Variants in PLA2G4E observed in about 807,000 individuals in gnomAD.
PLA2G4E encodes phospholipase A2 group IVE.
Under a neutral mutation model 109.1 loss-of-function variants are expected in PLA2G4E, and 84 were observed. The ratio of observed to expected loss-of-function variants is 0.77; its 90% confidence interval spans 0.65 to 0.92. The LOEUF (loss-of-function observed/expected upper bound fraction) is 0.92, where lower values mean the gene tolerates loss of function less well. Ranked by LOEUF, PLA2G4E falls within the 40% of genes least tolerant of loss-of-function variation. The probability of loss-of-function intolerance (pLI) is 0.00; values close to 1 mark genes in which losing one functional copy is unlikely to be tolerated. For synonymous variants in PLA2G4E, 469 were observed against 436.1 expected (o/e 1.08, Z -0.94); for missense variants, 1,057 against 1,076.6 (o/e 0.98, Z 0.25).
intron 1 of PLA2G4E, among the ~76,000 whole-genome samples, chr15:42,023,337 T>C (rs1376412393): frequency 6.6e-6 from 1 of 151,248 alleles, no homozygotes; most frequent in Non-Finnish European, 1.5e-5. Flanking sequence ...TCACCCTTCA[T>C]TCCATACTAG....
At chr15:41,994,472 C>A (rs2068305614) in intron 12 of PLA2G4E, among the ~76,000 whole-genome samples, 3 of 152,230 alleles carry the variant, frequency 2.0e-5, no homozygotes, top group Admixed American at 6.5e-5. Context: ...GATAGGCCAC[C>A]CTGAACCAGG....
chr15:42,014,385 A>G (rs1007834185), intron 1 of PLA2G4E, among the ~76,000 whole-genome samples: 28 of 152,198 alleles, frequency 1.8e-4, no homozygotes, highest in African/African-American at 6.8e-4. Context: ...AGCCCCATGC[A>G]CAGAATGAAC....
chr15:42,000,137 G>C (rs770488336), exon 8 of PLA2G4E: 2 of 1,593,834 alleles, frequency 1.3e-6, no homozygotes, highest in Admixed American at 1.7e-5. Context: ...GCACTTCCAC[G>C]TGCACCTGGG....
rs1052900378 is a variant in PLA2G4E, at chr15:42,005,164, G to A, written c.526-186C>T. ...TGTCCCCAAGTCTTTGACATCAGGAGCATCACTGACAGCCCAGGGGAGGTC... is the reference window on the plus strand; with the variant it reads ...TGTCCCCAAGTCTTTGACATCAGGAACATCACTGACAGCCCAGGGGAGGTC... On this transcript the variant is annotated intron_variant, in intron 4 of 19. Coordinates refer to ENST00000399518, the Ensembl canonical transcript of PLA2G4E. Among the ~76,000 whole-genome samples the A allele has an allele frequency of 3.9e-5, 6 of 152,202 alleles. No individual in the cohort carries two copies. In the East Asian group the frequency reaches 7.7e-4, roughly 20 times the overall value.
rs150356427 is a variant in PLA2G4E at position 41,990,465 on chromosome 15, C to T, written c.1471-230G>A. ...ACCAGACAGGGGCCGGGACTGGATC[C>T]GCAGTTTAGGACAGTCTCTCAGAGT... is the stretch of plus-strand genomic sequence containing the variant. On this transcript the variant is annotated intron_variant, in intron 13 of 19. Transcript: ENST00000399518. Among the ~76,000 whole-genome samples, 425 of 152,238 alleles carry T rather than the reference C, an allele frequency of 2.8e-3. 1 individual carries two copies. The highest frequency in any genetic ancestry group is 0.018 in the East Asian group (92 of 5,188).
intron 1 of PLA2G4E, among the ~76,000 whole-genome samples, chr15:42,032,206 G>GGGGCCCACC (rs1889124841): frequency 6.6e-6 from 1 of 152,152 alleles, no homozygotes; most frequent in Non-Finnish European, 1.5e-5. Flanking sequence ...TCTTTTCTTT[G>GGGGCCCACC]TAAATTACCT....
At chr15:42,021,145 G>C (rs2068645035) in intron 1 of PLA2G4E, among the ~76,000 whole-genome samples, 103 bp from the exon 1 acceptor site, 1 of 151,904 alleles carries the variant, frequency 6.6e-6, no homozygotes, top group Non-Finnish European at 1.5e-5. Flanking sequence ...TGGTTTGAGT[G>C]GGTAGACAGA....
chr15:41,987,304 C>G (rs1566834339), exon 17 of PLA2G4E: 2 of 1,614,008 alleles, frequency 1.2e-6, no homozygotes, highest in African/African-American at 2.7e-5. Flanking sequence ...AGCCATGACC[C>G]TGGGATCACT....
intron 13 of PLA2G4E, among the ~76,000 whole-genome samples, chr15:41,990,749 T>C (rs762888756): frequency 0.051 from 7,014 of 138,004 alleles, 330 homozygotes; most frequent in South Asian, 0.16. Flanking sequence ...CCCTTCTTTT[T>C]TTTTTTTTTT....
At chr15:42,021,269 A>C (rs552476278) in intron 1 of PLA2G4E, among the ~76,000 whole-genome samples, 11 of 151,938 alleles carry the variant, frequency 7.2e-5, no homozygotes, top group Non-Finnish European at 1.6e-4. Flanking sequence ...TGTAGCCCCC[A>C]GCCACTCAGA....
chr15:41,995,438 T>C, exon 12 of PLA2G4E: 1 of 1,613,978 alleles, frequency 6.2e-7, no homozygotes, highest in South Asian at 1.1e-5. Flanking sequence ...CAGGTGGCCA[T>C]ACATGGAGGT....
chr15:42,012,871 C>A (rs2068551012), intron 2 of PLA2G4E, among the ~76,000 whole-genome samples: 1 of 152,214 alleles, frequency 6.6e-6, no homozygotes, highest in African/African-American at 2.4e-5. Context: ...AGGGATGCTC[C>A]CCACCTGTGG....
intron 2 of PLA2G4E, 22 bp downstream of exon 2, chr15:42,013,663 G>C: frequency 6.5e-7 from 1 of 1,544,312 alleles, no homozygotes; most frequent in Non-Finnish European, 8.8e-7. Context: ...CAGAGAAGGA[G>C]AGAAGTGAGG....
chr15:42,002,208 T>C (rs940362465), intron 6 of PLA2G4E, among the ~76,000 whole-genome samples: 1 of 135,394 alleles, frequency 7.4e-6, no homozygotes, highest in Non-Finnish European at 1.5e-5. Context: ...GAGGTTGCAG[T>C]GATCCGAGAT....
At chr15:42,004,787 T>C in intron 5 of PLA2G4E, 151 bp downstream of exon 5, 2 of 847,128 alleles carry the variant, frequency 2.4e-6, no homozygotes, top group South Asian at 3.0e-5. Context: ...TGGGTGATTC[T>C]GATGCACAGT....
At chr15:42,013,553 C>A in intron 2 of PLA2G4E, 132 bp downstream of exon 2, 1 of 803,298 alleles carries the variant, frequency 1.2e-6, no homozygotes, top group Admixed American at 2.1e-5. Flanking sequence ...CACACATACA[C>A]GTATACACCA....
At chr15:42,018,619 CAG>C (rs2068618590) in intron 1 of PLA2G4E, among the ~76,000 whole-genome samples, 1 of 152,156 alleles carries the variant, frequency 6.6e-6, no homozygotes, top group South Asian at 2.1e-4. Flanking sequence ...CTTTGCCAAT[CAG>C]TACAGCTGGG....
chr15:42,005,971 G>T lies in PLA2G4E; in HGVS notation c.525+19C>A. The T allele has an allele frequency of 1.9e-6, 3 of 1,612,984 alleles. No individual in the cohort carries two copies. Among genetic ancestry groups the T allele is most frequent in the Non-Finnish European group, 1.7e-6 (2 of 1,179,148 alleles). Reference sequence around the variant, plus strand: ...GTTATCATGAAGCCGGAGTCTGAGGGCCTGTACCCTGCACCCACCTGCGGG... The same window carrying T: ...GTTATCATGAAGCCGGAGTCTGAGGTCCTGTACCCTGCACCCACCTGCGGG... On this transcript the variant is annotated intron_variant, in intron 4 of 19. Transcript: ENST00000399518.
chr15:42,006,127 GGA>G lies in PLA2G4E; in HGVS notation c.394-8_394-7del. ...ACACTCAACTCTAGCACGTTCTAGG[GGA>G]GAAGGAAGGATGCCAGTCTGGTTAC... On this transcript the variant is annotated splice_polypyrimidine_tract_variant and splice_region_variant and intron_variant, in intron 3 of 19. Coordinates refer to ENST00000399518, the Ensembl canonical transcript of PLA2G4E. 1 of 1,613,460 alleles carries G rather than the reference GGA, an allele frequency of 6.2e-7. No homozygotes were observed. Among genetic ancestry groups the G allele is most frequent in the Non-Finnish European group, 8.5e-7 (1 of 1,179,554 alleles).
Sources: allele counts gnomAD v4.1 joint callset (sites outside exome capture counted in the v4.1 genomes callset), GRCh38; gene constraint gnomAD v4.1.1; transcripts MANE v1.5; gene names NCBI Gene and HGNC (gene_info 2026-07-23, HGNC 2026-07-21).